The following IGF2BP3 variants were observed in gnomAD, a reference collection of about 807,000 sequenced individuals.
IGF2BP3 encodes the protein insulin-like growth factor 2 mRNA-binding protein 3.
In IGF2BP3, 9 loss-of-function variants were observed where a neutral mutation model predicts 73.8. The observed-to-expected ratio is 0.12, with a 90% CI of 0.07 to 0.21. IGF2BP3 has a LOEUF of 0.21. IGF2BP3 is among the 10% of genes least tolerant of loss of function. The pLI is 1.00. For missense variants in IGF2BP3, 542 were observed against 714.0 expected, an observed-to-expected ratio of 0.76 and a Z score of 2.75; for synonymous variants, 258 against 256.7, an observed-to-expected ratio of 1.01 and a Z score of -0.05.
intron 3 of IGF2BP3, chr7:23,405,232 A>G (rs1469775877): frequency 1.3e-5 from 2 of 152,226 alleles, no homozygotes; most frequent in Non-Finnish European, 2.9e-5. Flanking sequence ...AAACAACTTA[A>G]ACTTTAGTTC....
Position 23,448,985 on chromosome 7 carries a change from C to T in IGF2BP3, c.236+19497G>A, listed in dbSNP as rs74712840. 5.0e-3 allele frequency among the ~76,000 whole-genome samples: 766 copies of T among 152,204 alleles called. 5 individuals are homozygous for T. Among genetic ancestry groups the T allele is most frequent in the African/African-American group, 0.018 (727 of 41,518 alleles). ...AAGCAATCCTCTGGGCTGCAGTTTC[C>T]CAAAGCGCTGGGATTACAAGCGTGA... On this transcript the variant is annotated intron_variant, in intron 2 of 14. Coordinates refer to ENST00000258729, the MANE Select transcript of IGF2BP3 (RefSeq NM_006547.3).
chr7:23,313,796 G>C (rs1420622590), intron 12 of IGF2BP3, 143 bp from the exon 13 acceptor site: 4 of 778,668 alleles, frequency 5.1e-6, no homozygotes, highest in Admixed American at 2.9e-5. Context: ...AAATAACATA[G>C]AAGAGAGCAG....
At chr7:23,315,342 AAGTGATC>A (rs1783955925) in intron 12 of IGF2BP3, among the ~76,000 whole-genome samples, 1 of 152,138 alleles carries the variant, frequency 6.6e-6, no homozygotes, top group South Asian at 2.1e-4. Flanking sequence ...TCCTGGACTC[AAGTGATC>A]TACCCACCTA....
chr7:23,380,198 C>G (rs1399880558), intron 3 of IGF2BP3, among the ~76,000 whole-genome samples: 1 of 114,874 alleles, frequency 8.7e-6, no homozygotes, highest in Non-Finnish European at 1.6e-5. Flanking sequence ...GAGTCTCGCT[C>G]TGTTGCCCAG....
At chr7:23,466,213 G>A (rs1788564017) in intron 2 of IGF2BP3, among the ~76,000 whole-genome samples, 1 of 152,010 alleles carries the variant, frequency 6.6e-6, no homozygotes, top group African/African-American at 2.4e-5. Flanking sequence ...AGTAGAGATG[G>A]GGTTTCACCA....
chr7:23,468,590 C>G, intron 1 of IGF2BP3, 48 bp from the exon 2 acceptor site: 1 of 1,592,020 alleles, frequency 6.3e-7, no homozygotes, highest in Non-Finnish European at 8.6e-7. Context: ...CAGCGGCTCT[C>G]CCTGCCCGAA....
At chr7:23,369,782 C>T (rs1031501888) in intron 3 of IGF2BP3, among the ~76,000 whole-genome samples, 1 of 151,986 alleles carries the variant, frequency 6.6e-6, no homozygotes, top group Admixed American at 6.6e-5. Context: ...CAGCCACATA[C>T]CAGATATATC....
chr7:23,468,447 G>C (rs771829156), intron 2 of IGF2BP3, 35 bp downstream of exon 2: 9 of 1,610,502 alleles, frequency 5.6e-6, no homozygotes, highest in Non-Finnish European at 5.9e-6. Flanking sequence ...AACGGAGTGA[G>C]AACAGAATCG....
chr7:23,361,729 A>C lies in IGF2BP3; in HGVS notation c.298T>G (p.Leu100Val), dbSNP rs761675498. Residue 100 changes from leucine to valine, a missense_variant, in exon 4 of 15, where the codon TTA becomes GTA. Leu to Val is a conservative substitution (Grantham distance 32). Around this residue, in one of 2 missense-constraint regions of IGF2BP3, gnomAD observed 239 missense variants for 241.9 expected, o/e 0.99. Coordinates refer to ENST00000258729, the MANE Select transcript of IGF2BP3 (RefSeq NM_006547.3). ...PHLQWEVLDS[L>V]LVQYGVVESC... is the part of the protein sequence containing the mutation. ...TCCACCACTCCATACTGGACTAGTA[A>C]ACTATCCAGCACCTATCAGGAGGGG... The C allele has an allele frequency of 1.4e-5, 23 of 1,613,830 alleles. No homozygotes were observed. The South Asian group carries it at 1.8e-4, about 12-fold the overall frequency.
chr7:23,318,995 AC>A, intron 11 of IGF2BP3, 142 bp downstream of exon 11: 1 of 612,294 alleles, frequency 1.6e-6, no homozygotes, highest in Non-Finnish European at 2.9e-6. Context: ...GGTGTAAGCC[AC>A]TGTTGTTTGG....
At chr7:23,426,241 C>T (rs1030020920) in intron 2 of IGF2BP3, among the ~76,000 whole-genome samples, 2 of 148,336 alleles carry the variant, frequency 1.3e-5, no homozygotes, top group African/African-American at 5.0e-5. Context: ...GCAGGAGAAT[C>T]GCTTGAACTC....
chr7:23,348,656 C>A (rs987284564), intron 6 of IGF2BP3, among the ~76,000 whole-genome samples: 4 of 152,126 alleles, frequency 2.6e-5, no homozygotes, highest in Non-Finnish European at 5.9e-5. Context: ...AGGAAATTTA[C>A]TAACTTCCCT....
chr7:23,327,484 T>C (rs1784334424), intron 10 of IGF2BP3, among the ~76,000 whole-genome samples: 1 of 152,046 alleles, frequency 6.6e-6, no homozygotes, highest in South Asian at 2.1e-4. Flanking sequence ...GGTTTCACCG[T>C]GTTAGCCAGG....
intron 10 of IGF2BP3, among the ~76,000 whole-genome samples, chr7:23,320,850 T>C (rs908068213): frequency 6.9e-6 from 1 of 145,928 alleles, no homozygotes; most frequent in African/African-American, 2.6e-5. Context: ...CAGGGGAGGC[T>C]GAGATGGGAG....
At chr7:23,321,775 A>C (rs189986261) in intron 10 of IGF2BP3, among the ~76,000 whole-genome samples, 10 of 152,092 alleles carry the variant, frequency 6.6e-5, no homozygotes, top group African/African-American at 2.4e-4. Flanking sequence ...CCTGACCCCC[A>C]AGCAGCCTAA....
chr7:23,322,305 G>A (rs529941539), intron 10 of IGF2BP3, among the ~76,000 whole-genome samples: 1,540 of 152,308 alleles, frequency 0.01, 29 homozygotes, highest in African/African-American at 0.035. Context: ...GTGATCAACT[G>A]GAAGAAAGGG....
At chr7:23,460,906 G>A (rs1017762527) in intron 2 of IGF2BP3, among the ~76,000 whole-genome samples, 19 of 152,132 alleles carry the variant, frequency 1.2e-4, no homozygotes, top group South Asian at 4.2e-4. Context: ...AGCCAAGATC[G>A]CACCACTGTA....
At chr7:23,412,462 C>G (rs1252042516) in intron 3 of IGF2BP3, among the ~76,000 whole-genome samples, 1 of 152,198 alleles carries the variant, frequency 6.6e-6, no homozygotes, top group Non-Finnish European at 1.5e-5. Flanking sequence ...TATGTATTCC[C>G]CATAAGTACC....
intron 3 of IGF2BP3, among the ~76,000 whole-genome samples, chr7:23,398,597 T>G (rs1192204768): frequency 1.3e-5 from 2 of 152,230 alleles, no homozygotes; most frequent in Non-Finnish European, 2.9e-5. Flanking sequence ...TTTTTAATGA[T>G]TGCCATTTTA....
Sources: allele counts gnomAD v4.1 joint callset (sites outside exome capture counted in the v4.1 genomes callset), GRCh38; gene constraint gnomAD v4.1.1; regional missense constraint gnomAD v4.1.1; transcripts MANE v1.5; gene names NCBI Gene and HGNC (gene_info 2026-07-23, HGNC 2026-07-21).